The following CNBD1 variants were observed in gnomAD, a reference collection of about 807,000 sequenced individuals.
CNBD1 encodes the protein cyclic nucleotide binding domain containing 1.
Under a neutral mutation model 54.4 loss-of-function variants are expected in CNBD1, and 71 were observed. The ratio of observed to expected loss-of-function variants is 1.30; its 90% confidence interval spans 1.08 to 1.59. The LOEUF is 1.59. CNBD1 is among the 40% of genes most tolerant of loss of function. The pLI, the probability that CNBD1 is intolerant of heterozygous loss-of-function variation, is 0.00. For synonymous variants in CNBD1, 182 were observed against 170.7 expected (o/e 1.07, Z -0.51); for missense variants, 659 against 518.0 (o/e 1.27, Z -2.64).
intron 3 of CNBD1, among the ~76,000 whole-genome samples, chr8:86,925,777 T>TACCTCTGTTTGGA (rs575836779): frequency 6.7e-6 from 1 of 149,760 alleles, no homozygotes; most frequent in African/African-American, 2.5e-5. Context: ...AGAGGGCACC[T>TACCTCTGTTTGGA]GTAATCCTGT....
chr8:87,318,768 A>G (rs1809455038), intron 8 of CNBD1, among the ~76,000 whole-genome samples: 2 of 152,128 alleles, frequency 1.3e-5, no homozygotes, highest in African/African-American at 4.8e-5. Flanking sequence ...CAAAATATAT[A>G]TTGTATCAGG....
chr8:86,946,477 T>C (rs1250665070), intron 4 of CNBD1, among the ~76,000 whole-genome samples: 1 of 152,146 alleles, frequency 6.6e-6, no homozygotes, highest in Admixed American at 6.6e-5. Context: ...TTTTTCACTG[T>C]ATAGATGTAT....
chr8:87,054,426 T>C (rs1362917004), intron 4 of CNBD1, among the ~76,000 whole-genome samples: 4 of 152,194 alleles, frequency 2.6e-5, no homozygotes, highest in African/African-American at 9.6e-5. Flanking sequence ...AGGGCTATCA[T>C]TGAGAGATAA....
At chr8:87,372,109 CTTCTTAA>C (rs1193774918) in intron 10 of CNBD1, among the ~76,000 whole-genome samples, 1 of 152,046 alleles carries the variant, frequency 6.6e-6, no homozygotes, top group East Asian at 1.9e-4. Flanking sequence ...AGCCCAAAAT[CTTCTTAA>C]GCTGATAAGC....
chr8:87,136,334 G>A (rs187971141), intron 4 of CNBD1, among the ~76,000 whole-genome samples: 1 of 150,318 alleles, frequency 6.7e-6, no homozygotes, highest in South Asian at 2.1e-4. Context: ...TATGAAATGT[G>A]GTATGATTCC....
At chr8:87,320,082 G>A (rs1586009356) in intron 8 of CNBD1, among the ~76,000 whole-genome samples, 1 of 152,044 alleles carries the variant, frequency 6.6e-6, no homozygotes, top group Non-Finnish European at 1.5e-5. Flanking sequence ...TATATTGAGT[G>A]TCTGCTGTTT....
intron 4 of CNBD1, among the ~76,000 whole-genome samples, chr8:86,964,309 T>C (rs113194386): frequency 0.033 from 5,080 of 152,194 alleles, 107 homozygotes; most frequent in Non-Finnish European, 0.044. Context: ...ATTCTCCCGT[T>C]TCATCATTGG....
At chr8:87,020,159 A>T (rs1426703575) in intron 4 of CNBD1, among the ~76,000 whole-genome samples, 1 of 152,162 alleles carries the variant, frequency 6.6e-6, no homozygotes. Flanking sequence ...TGCCAAATGC[A>T]GCAGAAGAAA....
intron 4 of CNBD1, among the ~76,000 whole-genome samples, chr8:87,065,359 A>G (rs564498549): frequency 6.6e-6 from 1 of 152,056 alleles, no homozygotes; most frequent in South Asian, 2.1e-4. Context: ...TTCTGGAAAT[A>G]TTTTGATGGC....
chr8:87,381,840 T>C (rs979330397), intron 10 of CNBD1, among the ~76,000 whole-genome samples: 2 of 151,698 alleles, frequency 1.3e-5, no homozygotes, highest in African/African-American at 4.8e-5. Context: ...TTACGAGGGG[T>C]TGAGGCATGG....
intron 4 of CNBD1, among the ~76,000 whole-genome samples, chr8:87,031,561 C>T (rs1478451974): frequency 6.6e-6 from 1 of 152,148 alleles, no homozygotes; most frequent in Non-Finnish European, 1.5e-5. Context: ...ATTCCCATTG[C>T]TTTAAATTTA....
Position 87,145,555 on chromosome 8 carries a change from A to C in CNBD1, c.432-60438A>C, listed in dbSNP as rs574424826. ...CTGTTTGTATAAAGTAATAATGATA[A>C]GTATGAGAACAATTATTTTTAATTA... On this transcript the variant is annotated intron_variant, in intron 4 of 10. Transcript: ENST00000518476. 1.4e-4 allele frequency among the ~76,000 whole-genome samples: 21 copies of C among 152,332 alleles called. No homozygotes were observed. In the East Asian group the frequency reaches 3.7e-3, roughly 27 times the overall value.
intron 4 of CNBD1, among the ~76,000 whole-genome samples, chr8:87,020,893 A>G (rs1180012700): frequency 6.6e-6 from 1 of 152,186 alleles, no homozygotes; most frequent in Admixed American, 6.5e-5. Flanking sequence ...TCTGCTATCC[A>G]AAAAGCTTCC....
chr8:87,221,610 A>T (rs896504491), intron 5 of CNBD1, among the ~76,000 whole-genome samples: 3 of 152,052 alleles, frequency 2.0e-5, no homozygotes, highest in African/African-American at 7.2e-5. Flanking sequence ...CCAGACCTTC[A>T]TATCATTTTA....
rs774135615 is a variant in CNBD1, at chr8:87,131,185, T to A, written c.432-74808T>A. Among the ~76,000 whole-genome samples the A allele has an allele frequency of 3.9e-5, 6 of 152,144 alleles. 1 individual carries two copies. Among genetic ancestry groups the A allele is most frequent in the Admixed American group, 1.3e-4 (2 of 15,268 alleles). On this transcript the variant is annotated intron_variant, in intron 4 of 10. Transcript: ENST00000518476. ...TTAGTTCATTTGCATTCAATGAAATTTTCGTGTGCTTGGATTTTTGTCTAC... is the reference window on the plus strand; with the variant it reads ...TTAGTTCATTTGCATTCAATGAAATATTCGTGTGCTTGGATTTTTGTCTAC...
intron 6 of CNBD1, among the ~76,000 whole-genome samples, chr8:87,251,528 C>A (rs1807916956): frequency 6.7e-6 from 1 of 149,580 alleles, no homozygotes; most frequent in Non-Finnish European, 1.5e-5. Flanking sequence ...GCAGAGGTTG[C>A]AGTGAGCCAA....
chr8:87,386,991 A>AG (rs1459238424), downstream of CNBD1, among the ~76,000 whole-genome samples: 2 of 152,234 alleles, frequency 1.3e-5, no homozygotes. Context: ...CCAGTATTTT[A>AG]TATCCAGCCA....
intron 4 of CNBD1, among the ~76,000 whole-genome samples, chr8:87,010,718 C>T (rs2130560027): frequency 6.6e-6 from 1 of 152,294 alleles, no homozygotes; most frequent in African/African-American, 2.4e-5. Flanking sequence ...ACACTGCAGC[C>T]TGGGCAACAG....
At chr8:87,401,635 T>G (rs1807567328) in intron 2 of CNBD1, among the ~76,000 whole-genome samples, 1 of 152,070 alleles carries the variant, frequency 6.6e-6, no homozygotes, top group Non-Finnish European at 1.5e-5. Context: ...AGAATCTGCA[T>G]CCATGCTTAA....
Sources: allele counts gnomAD v4.1 joint callset (sites outside exome capture counted in the v4.1 genomes callset), GRCh38; gene constraint gnomAD v4.1.1; transcripts MANE v1.5; gene names NCBI Gene and HGNC (gene_info 2026-07-23, HGNC 2026-07-21).